The following MLXIP variants were observed in gnomAD, a reference collection of about 807,000 sequenced individuals.
MLXIP encodes MLX interacting protein.
Under a neutral mutation model 87.2 loss-of-function variants are expected in MLXIP, and 30 were observed. The observed-to-expected ratio is 0.34, with a 90% CI of 0.26 to 0.47. The LOEUF (loss-of-function observed/expected upper bound fraction) is 0.47, where lower values mean the gene tolerates loss of function less well. Ranked by LOEUF, MLXIP falls within the 20% of genes least tolerant of loss-of-function variation. The probability of loss-of-function intolerance (pLI) is 1.00; values close to 1 mark genes in which losing one functional copy is unlikely to be tolerated. For synonymous variants in MLXIP, 530 were observed against 514.0 expected (o/e 1.03, Z -0.42); for missense variants, 1,002 against 1,240.1 (o/e 0.81, Z 2.88).
At chr12:122,140,399 C>T (rs974038890) in intron 15 of MLXIP, among the ~76,000 whole-genome samples, 49 of 152,106 alleles carry the variant, frequency 3.2e-4, no homozygotes, top group Non-Finnish European at 5.7e-4. Flanking sequence ...CGGGTTCAAG[C>T]GATTCTCCTG....
At chr12:122,127,387 C>T (rs113864314) in intron 2 of MLXIP, 25 bp downstream of exon 2, 40,758 of 1,551,778 alleles carry the variant, frequency 0.026, 614 homozygotes, top group Non-Finnish European at 0.032. Flanking sequence ...GCCTGGGCGC[C>T]GGTGGTGGTC....
rs554295788 is a variant in MLXIP, at chr12:122,141,798, T to C, written c.2746T>C (p.Leu916=). The C allele has an allele frequency of 2.5e-6, 4 of 1,613,678 alleles. No individual in the cohort carries two copies. Among genetic ancestry groups the C allele is most frequent in the African/African-American group, 2.7e-5 (2 of 75,040 alleles). Residue 916 remains leucine, a synonymous_variant, in exon 17 of 17, where the codon TTG becomes CTG. Transcript: ENST00000319080. ...GGCTGTCACCAGGATTGGCAAGAGA[T>C]TGGGAGAGTCCTAGCTGCTTAGCTG... is the stretch of plus-strand genomic sequence containing the variant. The part of the protein sequence containing the change: ...SKAVTRIGKR[L]GES
chr12:122,092,640 A>G (rs1952263812), intron 1 of MLXIP, among the ~76,000 whole-genome samples: 3 of 152,238 alleles, frequency 2.0e-5, no homozygotes, highest in African/African-American at 7.2e-5. Flanking sequence ...TTCTTGGACT[A>G]TAGGTTACAT....
intron 1 of MLXIP, among the ~76,000 whole-genome samples, chr12:122,086,768 G>C (rs901304001): frequency 6.6e-6 from 1 of 152,010 alleles, no homozygotes; most frequent in Admixed American, 6.6e-5. Flanking sequence ...AGGACTTCGA[G>C]GACTGGCCGA....
At chr12:122,090,119 C>T (rs146521892) in intron 1 of MLXIP, among the ~76,000 whole-genome samples, 150,240 of 152,344 alleles carry the variant, frequency 0.99, 74,119 homozygotes, top group Middle Eastern at 1. Context: ...AGGAACAAAG[C>T]GCATTCAGTA....
chr12:122,106,090 A>G (rs28682510), intron 1 of MLXIP, among the ~76,000 whole-genome samples: 2,836 of 152,320 alleles, frequency 0.019, 80 homozygotes, highest in African/African-American at 0.065. Flanking sequence ...TAGGCTCTGC[A>G]CTGTGGGTGG....
intron 1 of MLXIP, among the ~76,000 whole-genome samples, chr12:122,088,728 G>A (rs1292714207): frequency 2.6e-5 from 4 of 152,114 alleles, no homozygotes; most frequent in Non-Finnish European, 5.9e-5. Context: ...TTCCTTCTAG[G>A]CCTGTCGGTG....
chr12:122,129,468 G>A (rs560664350), intron 4 of MLXIP, 120 bp from the exon 5 acceptor site: 5 of 1,196,312 alleles, frequency 4.2e-6, no homozygotes, highest in South Asian at 1.3e-5. Flanking sequence ...TGCAGGCATC[G>A]GCCTGGGGAT....
chr12:122,129,824 G>A, intron 5 of MLXIP, 117 bp from the exon 6 acceptor site: 1 of 1,376,488 alleles, frequency 7.3e-7, no homozygotes, highest in Non-Finnish European at 1.0e-6. Flanking sequence ...CCTCCACCCT[G>A]CTGCCTCACT....
rs1287888969 is a variant in MLXIP at position 122,141,138 on chromosome 12, A to C, written c.2638+55A>C. ...TTCATGCTAGTCCTGGAGGGAGGAC[A>C]GCCCCAGGCTGAGGACAGTATTAGC... On this transcript the variant is annotated intron_variant, in intron 16 of 16. Coordinates refer to ENST00000319080, the MANE Select transcript of MLXIP (RefSeq NM_014938.6). 3 of 1,557,540 alleles carry C rather than the reference A, an allele frequency of 1.9e-6. No homozygotes were observed. The African/African-American group carries it at 4.1e-5, about 21-fold the overall frequency.
At chr12:122,121,384 C>T (rs1952782351) in intron 1 of MLXIP, among the ~76,000 whole-genome samples, 1 of 146,308 alleles carries the variant, frequency 6.8e-6, no homozygotes, top group Admixed American at 7.0e-5. Context: ...GGCGAGGTCT[C>T]AGCCTCCTGA....
chr12:122,133,260 C>A lies in MLXIP; in HGVS notation c.1093-88C>A. 6.9e-7 allele frequency: 1 copy of A among 1,453,828 alleles called. No individual in the cohort carries two copies. Among genetic ancestry groups the A allele is most frequent in the Non-Finnish European group, 9.2e-7 (1 of 1,092,068 alleles). 90.1% of individuals were successfully genotyped at this position (1,453,828 alleles called of 1,614,324 possible). A position where few individuals can be genotyped will look rare whatever the true frequency, so the allele number is the denominator to read the frequency against. ...TTGTCCCTCTGTCCCAGCGCCCGGCCTGTGTAGTTGGACTTGGCAGTGTGC... is the reference window on the plus strand; with the variant it reads ...TTGTCCCTCTGTCCCAGCGCCCGGCATGTGTAGTTGGACTTGGCAGTGTGC... On this transcript the variant is annotated intron_variant, in intron 8 of 16. Coordinates refer to ENST00000319080, the MANE Select transcript of MLXIP (RefSeq NM_014938.6). This position sits in a 1 kb window ranked among gnomAD's most constrained non-coding sequence, Gnocchi z 4.9.
At chr12:122,117,197 A>G (rs1207431524) in intron 1 of MLXIP, among the ~76,000 whole-genome samples, 1 of 152,204 alleles carries the variant, frequency 6.6e-6, no homozygotes, top group Non-Finnish European at 1.5e-5. Flanking sequence ...TACTTCTCCA[A>G]CAGGATGTTC....
chr12:122,135,606 G>T lies in MLXIP; in HGVS notation c.1972G>T (p.Gly658Trp). 1 of 1,578,684 alleles carries T rather than the reference G, an allele frequency of 6.3e-7. No homozygotes were observed. Reference sequence around the variant, plus strand: ...CCCAAGCACAGCGCAAGACCCCCTGGGGAAGGGCGAGCAGGTCCCGCTGCA... The same window carrying T: ...CCCAAGCACAGCGCAAGACCCCCTGTGGAAGGGCGAGCAGGTCCCGCTGCA... Reference protein sequence around the residue: ...LFPSTAQDPLGKGEQVPLHGG... With the variant: ...LFPSTAQDPLWKGEQVPLHGG... Residue 658 changes from glycine to tryptophan, a missense_variant, in exon 11 of 17, where the codon GGG (glycine) becomes TGG (tryptophan). Gly to Trp is a radical substitution (Grantham distance 184). Around this residue, in one of 3 missense-constraint regions of MLXIP, gnomAD observed 746 missense variants for 897.0 expected, o/e 0.83. Coordinates refer to ENST00000319080, the MANE Select transcript of MLXIP (RefSeq NM_014938.6). This position sits in a 1 kb window ranked among gnomAD's most constrained non-coding sequence, Gnocchi z 5.3.
At chr12:122,139,891 C>T (rs1953166438) in intron 15 of MLXIP, among the ~76,000 whole-genome samples, 1 of 152,184 alleles carries the variant, frequency 6.6e-6, no homozygotes, top group African/African-American at 2.4e-5. Flanking sequence ...CCAGGCTGGC[C>T]CCAAACTCCT....
intron 1 of MLXIP, among the ~76,000 whole-genome samples, chr12:122,102,631 A>G (rs1952454171): frequency 6.6e-6 from 1 of 152,270 alleles, no homozygotes; most frequent in Non-Finnish European, 1.5e-5. Context: ...AGTATTAATC[A>G]TAACAGCCAA....
At position 122,132,366 on chromosome 12, in the gene MLXIP, A is replaced by G. The variant is rs1296295914; in HGVS notation, c.1075A>G (p.Asn359Asp). The G allele has an allele frequency of 1.2e-6, 2 of 1,612,626 alleles. No individual in the cohort carries two copies. The highest frequency in any genetic ancestry group is 8.5e-7 in the Non-Finnish European group (1 of 1,179,268). Residue 359 changes from asparagine (N) to aspartate (D), a missense_variant, in exon 8 of 17, where the codon AAC becomes GAC. Coordinates refer to ENST00000319080, the MANE Select transcript of MLXIP (RefSeq NM_014938.6). ...ASASAPVPDP[N>D]NPPAQESILP... ...TGCCTCAGCACCTGTACCAGATCCC[A>G]ACAACCCACCTGCACAGGTAGAGGA...
At chr12:122,108,826 G>A (rs1952560812) in intron 1 of MLXIP, among the ~76,000 whole-genome samples, 2 of 152,118 alleles carry the variant, frequency 1.3e-5, no homozygotes, top group South Asian at 2.1e-4. Flanking sequence ...TAAATTATGT[G>A]TGTCTTACAA....
intron 7 of MLXIP, among the ~76,000 whole-genome samples, chr12:122,131,274 G>A (rs555788957): frequency 3.9e-5 from 6 of 151,944 alleles, no homozygotes; most frequent in East Asian, 1.9e-4. Flanking sequence ...CAGCAGAAAC[G>A]TCAGGCCTGG....
Sources: gnomAD v4.1 joint callset for allele counts (sites outside exome capture counted in the v4.1 genomes callset) on GRCh38, gnomAD v4.1.1 for gene constraint, gnomAD v4.1.1 regional missense constraint, Gnocchi (gnomAD v3.1) non-coding constraint, MANE v1.5 for transcripts, NCBI Gene and HGNC (gene_info 2026-07-23, HGNC 2026-07-21) for gene names.